Variants in VIPR2 observed in about 807,000 individuals in gnomAD.
VIPR2 encodes vasoactive intestinal peptide receptor 2.
In VIPR2, 48 loss-of-function variants were observed where a neutral mutation model predicts 58.0. That is an observed-to-expected ratio of 0.83 (90% CI 0.66 to 1.05). The LOEUF is 1.05. Among genes scored for constraint, VIPR2 ranks in the 50% least tolerant of loss-of-function variants. The pLI is 0.00. For synonymous variants in VIPR2, 243 were observed against 235.2 expected (o/e 1.03, Z -0.30); for missense variants, 534 against 558.0 (o/e 0.96, Z 0.43).
rs1186872235 is a variant in VIPR2, at chr7:159,117,344, T to G, written c.152-7425A>C. On this transcript the variant is annotated intron_variant, in intron 2 of 12. Coordinates refer to ENST00000262178, the MANE Select transcript of VIPR2 (RefSeq NM_003382.5). The stretch of plus-strand genomic sequence containing the variant: ...ACTGGTCATGGAGCCAATGGGTAGG[T>G]ATGTGGGTCCAGGATCCTCTTTAAA... 1.4e-5 allele frequency: 10 copies of G among 717,476 alleles called. No individual in the cohort carries two copies. In the East Asian group the frequency reaches 2.7e-4, roughly 19 times the overall value. 44.4% of individuals were successfully genotyped at this position (717,476 alleles called of 1,614,324 possible). A position where few individuals can be genotyped will look rare whatever the true frequency, so the allele number is the denominator to read the frequency against.
At chr7:159,037,253 C>T (rs1180155932) in intron 6 of VIPR2, among the ~76,000 whole-genome samples, 2 of 152,254 alleles carry the variant, frequency 1.3e-5, no homozygotes, top group Non-Finnish European at 2.9e-5. Flanking sequence ...TCCACTTCCC[C>T]TTCTCTGACC....
At position 159,103,780 on chromosome 7, in the gene VIPR2, T is replaced by C; in HGVS notation, c.334A>G (p.Ser112Gly). The C allele has an allele frequency of 6.2e-7, 1 of 1,614,170 alleles. No individual in the cohort carries two copies. Among genetic ancestry groups the C allele is most frequent in the South Asian group, 1.1e-5 (1 of 91,074 alleles). ...ACCTTGCTCTCATCCTCCGGGTCGC[T>C]GTAGCCACAGGCATCGACGAAATCT... ...FPDFVDACGY[S>G]DPEDESKITF... is the part of the protein sequence containing the mutation. Residue 112 changes from serine to glycine, a missense_variant, in exon 4 of 13, where the codon AGC becomes GGC. Coordinates refer to ENST00000262178, the MANE Select transcript of VIPR2 (RefSeq NM_003382.5).
intron 4 of VIPR2, among the ~76,000 whole-genome samples, chr7:159,102,894 C>A (rs902133225): frequency 1.3e-5 from 2 of 152,356 alleles, no homozygotes; most frequent in African/African-American, 4.8e-5. Flanking sequence ...GTGCAGGGAG[C>A]ACACTCTGCA....
chr7:159,123,312 A>AG (rs1312280998), intron 2 of VIPR2, among the ~76,000 whole-genome samples: 9 of 147,098 alleles, frequency 6.1e-5, no homozygotes, highest in Admixed American at 1.4e-4. Flanking sequence ...AAAAAAAAAA[A>AG]AAAGAAAGAA....
At chr7:159,083,186 G>A (rs1027252744) in intron 4 of VIPR2, among the ~76,000 whole-genome samples, 46 of 152,070 alleles carry the variant, frequency 3.0e-4, no homozygotes, top group African/African-American at 8.2e-4. Flanking sequence ...TGTCCACCCC[G>A]GAGCAGCCTT....
intron 4 of VIPR2, among the ~76,000 whole-genome samples, chr7:159,062,213 G>A (rs1855720912): frequency 6.6e-6 from 1 of 152,196 alleles, no homozygotes; most frequent in Non-Finnish European, 1.5e-5. Flanking sequence ...GGTTCAGCCT[G>A]AGCCCCGGCA....
chr7:159,103,702 TG>T, intron 4 of VIPR2, 54 bp downstream of exon 4: 1 of 1,348,318 alleles, frequency 7.4e-7, no homozygotes, highest in Non-Finnish European at 1.1e-6. Flanking sequence ...AGGGGGCTTC[TG>T]GTGCAGTGTT....
At chr7:159,074,723 C>T (rs140094070) in intron 4 of VIPR2, among the ~76,000 whole-genome samples, 116 of 152,324 alleles carry the variant, frequency 7.6e-4, no homozygotes, top group African/African-American at 2.7e-3. Flanking sequence ...AGCAGTGGCT[C>T]ATGCCTGTAA....
chr7:159,032,105 C>T, intron 10 of VIPR2, 38 bp from the exon 11 acceptor site: 1 of 1,611,808 alleles, frequency 6.2e-7, no homozygotes, highest in Non-Finnish European at 8.5e-7. Flanking sequence ...GCTGCTGGAC[C>T]CTCGGACCCT....
chr7:159,055,382 G>A (rs1397567318), intron 5 of VIPR2, among the ~76,000 whole-genome samples: 2 of 152,146 alleles, frequency 1.3e-5, no homozygotes, highest in East Asian at 1.9e-4. Flanking sequence ...TGCTGTGTTC[G>A]CCTGGTAAAC....
intron 6 of VIPR2, among the ~76,000 whole-genome samples, chr7:159,041,771 C>A (rs1189748519): frequency 6.6e-6 from 1 of 151,780 alleles, no homozygotes; most frequent in Non-Finnish European, 1.5e-5. Flanking sequence ...GAGGGTCTGT[C>A]AAGTGTCTGT....
chr7:159,062,654 C>T (rs548701069), intron 4 of VIPR2, among the ~76,000 whole-genome samples: 1 of 152,136 alleles, frequency 6.6e-6, no homozygotes, highest in African/African-American at 2.4e-5. Flanking sequence ...AGTGCTGACC[C>T]AAAGAACAAG....
chr7:159,032,812 G>A (rs1222557723), intron 10 of VIPR2, among the ~76,000 whole-genome samples: 2 of 152,046 alleles, frequency 1.3e-5, no homozygotes, highest in African/African-American at 4.8e-5. Flanking sequence ...AAGAACCAAT[G>A]CAAAGGTCAG....
rs764112137 is a variant in VIPR2, at chr7:159,030,818, G to A, written c.1144-29C>T. The A allele has an allele frequency of 3.9e-6, 6 of 1,530,088 alleles. No homozygotes were observed. The East Asian group carries it at 7.4e-5, about 19-fold the overall frequency. 94.8% of individuals were successfully genotyped at this position (1,530,088 alleles called of 1,614,324 possible). On this transcript the variant is annotated intron_variant, in intron 12 of 12. Transcript: ENST00000262178. Reference sequence around the variant, plus strand: ...GGAGGTGAGGGCAGCGGGAACGCCCGTGAGCCTGGGCAGGTGCGGGCGGCT... The same window carrying A: ...GGAGGTGAGGGCAGCGGGAACGCCCATGAGCCTGGGCAGGTGCGGGCGGCT...
rs555836711 is a variant in VIPR2, at chr7:159,096,515, C to T, written c.357+7242G>A. On this transcript the variant is annotated intron_variant, in intron 4 of 12. Coordinates refer to ENST00000262178, the MANE Select transcript of VIPR2 (RefSeq NM_003382.5). The surrounding 1 kb of genome is among the most constrained non-coding windows in gnomAD (Gnocchi z 5.5). ...CTCCCATTAGGAGAATCTTCCCTAG[C>T]GGATTCCTTTAGAACTTAAAGAACT... Among the ~76,000 whole-genome samples the T allele has an allele frequency of 1.3e-4, 20 of 152,210 alleles. No individual in the cohort carries two copies. The highest frequency in any genetic ancestry group is 2.4e-4 in the Non-Finnish European group (16 of 68,040).
intron 5 of VIPR2, among the ~76,000 whole-genome samples, chr7:159,044,279 G>A (rs1310389964): frequency 3.3e-5 from 5 of 152,032 alleles, no homozygotes; most frequent in Admixed American, 2.6e-4. Context: ...AAGACCAAGA[G>A]TCTTTATAAA....
Position 159,095,227 on chromosome 7 carries a change from CT to C in VIPR2, c.357+8529del, listed in dbSNP as rs1857760269. Among the ~76,000 whole-genome samples, 1 of 152,126 alleles carries C rather than the reference CT, an allele frequency of 6.6e-6. No individual in the cohort carries two copies. Among genetic ancestry groups the C allele is most frequent in the East Asian group, 1.9e-4 (1 of 5,190 alleles). ...AGCATTAGTGAAAATGGGACATTTC[CT>C]AAATTTGATGACACTACTGAAGAGA... is the stretch of plus-strand genomic sequence containing the variant. On this transcript the variant is annotated intron_variant, in intron 4 of 12. Coordinates refer to ENST00000262178, the MANE Select transcript of VIPR2 (RefSeq NM_003382.5). This position sits in a 1 kb window ranked among gnomAD's most constrained non-coding sequence, Gnocchi z 5.2.
intron 2 of VIPR2, among the ~76,000 whole-genome samples, chr7:159,112,866 G>A (rs1276177009): frequency 6.6e-6 from 1 of 151,856 alleles, no homozygotes; most frequent in Non-Finnish European, 1.5e-5. Context: ...GTGAGGAGGA[G>A]ACTCACGGGA....
chr7:159,131,110 A>T (rs1796893650), intron 2 of VIPR2, among the ~76,000 whole-genome samples: 1 of 152,206 alleles, frequency 6.6e-6, no homozygotes. Flanking sequence ...GACTCTAGCC[A>T]GTGGAACGAG....
Sources: gnomAD v4.1 joint callset for allele counts (sites outside exome capture counted in the v4.1 genomes callset) on GRCh38, gnomAD v4.1.1 for gene constraint, Gnocchi (gnomAD v3.1) non-coding constraint, MANE v1.5 for transcripts, NCBI Gene and HGNC (gene_info 2026-07-23, HGNC 2026-07-21) for gene names.